Variants in TRPM3 observed in about 807,000 individuals in gnomAD.
TRPM3 encodes long transient receptor potential channel 3.
TRPM3 carries 77 observed loss-of-function variants against 181.2 expected under a neutral mutation model. The ratio of observed to expected loss-of-function variants is 0.42; its 90% CI spans 0.35 to 0.51. The LOEUF (loss-of-function observed/expected upper bound fraction) is 0.51. Ranked by LOEUF, TRPM3 falls within the 20% of genes least tolerant of loss-of-function variation. The probability of loss-of-function intolerance (pLI) is 0.01; values close to 1 mark genes in which losing one functional copy is unlikely to be tolerated. For missense variants in TRPM3, 1,759 were observed against 2,196.7 expected (o/e 0.80, Z 3.98); for synonymous variants, 745 against 796.4 (o/e 0.94, Z 1.09).
intron 1 of TRPM3, among the ~76,000 whole-genome samples, chr9:71,134,417 T>C (rs542267702): frequency 2.6e-5 from 4 of 151,928 alleles, no homozygotes; most frequent in Non-Finnish European, 5.9e-5. Flanking sequence ...CTGGGTGTGA[T>C]GGTGTGCACC....
At chr9:70,854,437 G>A (rs962750968) in intron 3 of TRPM3, among the ~76,000 whole-genome samples, 17 of 152,144 alleles carry the variant, frequency 1.1e-4, no homozygotes, top group African/African-American at 2.9e-4. Flanking sequence ...CAGGTATGGC[G>A]GAAAAACTAA....
intron 6 of TRPM3, among the ~76,000 whole-genome samples, chr9:70,813,203 G>A (rs1285647379): frequency 6.6e-6 from 1 of 152,120 alleles, no homozygotes; most frequent in Non-Finnish European, 1.5e-5. Flanking sequence ...TTACTAAAGG[G>A]CACTTAACAT....
intron 1 of TRPM3, among the ~76,000 whole-genome samples, chr9:71,117,553 G>A (rs903092462): frequency 4.0e-5 from 6 of 151,818 alleles, no homozygotes; most frequent in African/African-American, 1.5e-4. Flanking sequence ...ATCCAGTCAA[G>A]ACCCAAACCC....
At chr9:70,672,942 G>T (rs2063263222) in intron 9 of TRPM3, among the ~76,000 whole-genome samples, 2 of 152,050 alleles carry the variant, frequency 1.3e-5, no homozygotes, top group Admixed American at 1.3e-4. Context: ...AATTAGTCGA[G>T]ATCCCCCAGA....
At chr9:70,828,390 A>G (rs1233625778) in intron 5 of TRPM3, among the ~76,000 whole-genome samples, 1 of 152,150 alleles carries the variant, frequency 6.6e-6, no homozygotes, top group African/African-American at 2.4e-5. Flanking sequence ...TCCTTTCTCT[A>G]TCATGTCCAT....
At chr9:71,150,108 G>A (rs1450233688) in intron 1 of TRPM3, among the ~76,000 whole-genome samples, 1 of 151,910 alleles carries the variant, frequency 6.6e-6, no homozygotes, top group Non-Finnish European at 1.5e-5. Flanking sequence ...AAAAATTAGA[G>A]GGCAGAAATG....
At position 71,403,037 on chromosome 9, in the gene TRPM3, T is replaced by G. The variant is rs566641902; in HGVS notation, c.183+43616A>C. Among the ~76,000 whole-genome samples the G allele has an allele frequency of 2.0e-3, 301 of 152,292 alleles. 1 individual carries two copies. The highest frequency in any genetic ancestry group is 6.4e-3 in the African/African-American group (264 of 41,572). On this transcript the variant is annotated intron_variant, in intron 1 of 24. Transcript: ENST00000357533. ...AAAGATATAAATAATTTCCTGCATG[T>G]AAAGTGTTCAGTAGGAGGTAATGAG...
chr9:70,972,940 C>T (rs144142383), intron 1 of TRPM3, among the ~76,000 whole-genome samples: 1 of 152,168 alleles, frequency 6.6e-6, no homozygotes, highest in East Asian at 1.9e-4. Context: ...GAATCTAACC[C>T]CTACATAAGA....
In TRPM3 at chr9:70,598,565, T is replaced by C. The variant is rs1289159756; in HGVS notation, c.2902A>G (p.Met968Val). The change falls in exon 21 of 26, where the codon ATG becomes GTG. Residue 968 changes from methionine (M) to valine (V), a missense_variant. This residue lies in a region of TRPM3 where 100 missense variants were observed against 123.0 expected (regional missense o/e 0.81). Coordinates refer to ENST00000677713, the MANE Select transcript of TRPM3 (RefSeq NM_001366145.2). The part of the protein sequence containing the change: ...LIAILLFSVG[M>V]ILRLQDQPFR... ...GGCTGGTCTTGGAGACGAAGGATCATTCCGACAGAAAACAGAAGGATGGCG... is the reference window on the plus strand; with the variant it reads ...GGCTGGTCTTGGAGACGAAGGATCACTCCGACAGAAAACAGAAGGATGGCG... The C allele has an allele frequency of 3.7e-6, 6 of 1,614,098 alleles. No individual in the cohort carries two copies. Among genetic ancestry groups the C allele is most frequent in the Non-Finnish European group, 5.1e-6 (6 of 1,180,052 alleles).
At chr9:70,570,155 C>T (rs553309228) in intron 22 of TRPM3, among the ~76,000 whole-genome samples, 48 of 151,716 alleles carry the variant, frequency 3.2e-4, no homozygotes, top group East Asian at 1.2e-3. Context: ...GGCAATCCAT[C>T]GCTAGCCTAA....
intron 6 of TRPM3, among the ~76,000 whole-genome samples, chr9:70,822,055 C>T (rs4526420): frequency 0.38 from 57,952 of 152,088 alleles, 12,865 homozygotes; most frequent in Middle Eastern, 0.55. Flanking sequence ...TTACACACTC[C>T]TAGCCAATAA....
At chr9:71,036,122 T>C (rs1484069486) in intron 1 of TRPM3, among the ~76,000 whole-genome samples, 1 of 152,048 alleles carries the variant, frequency 6.6e-6, no homozygotes, top group Non-Finnish European at 1.5e-5. Context: ...CTTCTAAGCA[T>C]TTAAGAGATT....
chr9:71,445,249 C>G (rs1200771714), intron 1 of TRPM3, among the ~76,000 whole-genome samples: 4 of 152,122 alleles, frequency 2.6e-5, no homozygotes, highest in African/African-American at 9.7e-5. Context: ...ACTTAGACTT[C>G]CTATTAAAAA....
chr9:70,917,987 C>G (rs993859852), intron 1 of TRPM3, among the ~76,000 whole-genome samples: 16 of 151,746 alleles, frequency 1.1e-4, no homozygotes, highest in Non-Finnish European at 2.2e-4. Flanking sequence ...AAAAAGAGAG[C>G]AGGAGTAGGT....
chr9:71,308,111 C>A (rs144696690), intron 1 of TRPM3, among the ~76,000 whole-genome samples: 2,970 of 152,032 alleles, frequency 0.02, 35 homozygotes, highest in Non-Finnish European at 0.029. Context: ...GCTGGGATTA[C>A]AGGCATGTGC....
At chr9:71,078,740 G>T (rs755213919) in intron 1 of TRPM3, among the ~76,000 whole-genome samples, 17 of 152,118 alleles carry the variant, frequency 1.1e-4, no homozygotes, top group Non-Finnish European at 1.8e-4. Flanking sequence ...TGCTGGCAAG[G>T]CCTAATGAGT....
intron 1 of TRPM3, among the ~76,000 whole-genome samples, chr9:71,027,102 C>A (rs975772998): frequency 3.3e-5 from 5 of 152,148 alleles, no homozygotes; most frequent in Non-Finnish European, 5.9e-5. Context: ...AGCACCTCAG[C>A]CCCTCCAGTG....
intron 1 of TRPM3, among the ~76,000 whole-genome samples, chr9:71,235,965 T>C (rs2081330029): frequency 6.6e-6 from 1 of 152,352 alleles, no homozygotes; most frequent in South Asian, 2.1e-4. Context: ...ACTTTATTTG[T>C]TGTACATTAA....
intron 8 of TRPM3, among the ~76,000 whole-genome samples, chr9:70,760,447 T>C (rs1424735233): frequency 6.8e-6 from 1 of 147,244 alleles, no homozygotes; most frequent in Non-Finnish European, 1.5e-5. Context: ...GGTACCTTCG[T>C]GCGTAGTAGA....
Sources: gnomAD v4.1 joint callset for allele counts (sites outside exome capture counted in the v4.1 genomes callset) on GRCh38, gnomAD v4.1.1 for gene constraint, gnomAD v4.1.1 regional missense constraint, MANE v1.5 for transcripts, NCBI Gene and HGNC (gene_info 2026-07-23, HGNC 2026-07-21) for gene names.